The following SDC3 variants were observed in gnomAD, a reference collection of about 807,000 sequenced individuals.
The protein encoded by SDC3 is syndecan-3.
Under a neutral mutation model 24.4 loss-of-function variants are expected in SDC3, and 13 were observed. That is an observed-to-expected ratio of 0.53 (90% CI 0.35 to 0.85). The LOEUF (loss-of-function observed/expected upper bound fraction) is 0.85. Ranked by LOEUF, SDC3 falls within the 40% of genes least tolerant of loss-of-function variation. SDC3 has a pLI of 0.01. For synonymous variants in SDC3, 295 were observed against 260.9 expected (o/e 1.13, Z -1.26); for missense variants, 571 against 584.5 (o/e 0.98, Z 0.24).
intron 3 of SDC3, 51 bp downstream of exon 3, chr1:30,876,501 C>A: frequency 1.4e-6 from 2 of 1,434,430 alleles, no homozygotes; most frequent in Non-Finnish European, 1.9e-6. Flanking sequence ...TCATCCCTCC[C>A]CTGACCCACC....
At chr1:30,901,309 C>A (rs1557526501) in intron 1 of SDC3, among the ~76,000 whole-genome samples, 1 of 152,202 alleles carries the variant, frequency 6.6e-6, no homozygotes, top group Admixed American at 6.5e-5. Flanking sequence ...GGACTCTCCA[C>A]CCCTGAGATC....
rs1311325150 is a variant in SDC3, at chr1:30,908,718, C to G, written c.-132G>C. ...GACGCGCTCTAGGCTCGCGGGCTCCCGGCTCGGCCGCCCGGCTCCGCCTCG... is the reference window on the plus strand; with the variant it reads ...GACGCGCTCTAGGCTCGCGGGCTCCGGGCTCGGCCGCCCGGCTCCGCCTCG... On this transcript the variant is annotated 5_prime_UTR_variant, in exon 1 of 5. Transcript: ENST00000339394. 1.4e-5 allele frequency: 3 copies of G among 211,592 alleles called. No homozygotes were observed. Among genetic ancestry groups the G allele is most frequent in the Admixed American group, 6.8e-5 (1 of 14,774 alleles). The allele number at this position is 211,592 out of a possible 1,614,324, so 13.1% of individuals were successfully genotyped here. A position where few individuals can be genotyped will look rare whatever the true frequency, so the allele number is the denominator to read the frequency against.
At chr1:30,904,250 T>C (rs998808960) in intron 1 of SDC3, among the ~76,000 whole-genome samples, 1 of 151,984 alleles carries the variant, frequency 6.6e-6, no homozygotes, top group Admixed American at 6.6e-5. Context: ...AAATGAGGAT[T>C]CTAATAATTC....
intron 1 of SDC3, among the ~76,000 whole-genome samples, chr1:30,906,582 C>T (rs1638523786): frequency 6.6e-6 from 1 of 152,132 alleles, no homozygotes; most frequent in Non-Finnish European, 1.5e-5. Flanking sequence ...TGTCCTGAGC[C>T]CCTTTCATTC....
rs759031775 is a variant in SDC3, at chr1:30,876,867, G to A, written c.555C>T (p.Thr185=). 511 of 1,613,260 alleles carry A rather than the reference G, an allele frequency of 3.2e-4. No homozygotes were observed. The highest frequency in any genetic ancestry group is 4.0e-4 in the Non-Finnish European group (470 of 1,179,660). Residue 185 remains threonine, a synonymous_variant, in exon 3 of 5, where the codon ACC becomes ACT. Coordinates refer to ENST00000339394, the MANE Select transcript of SDC3 (RefSeq NM_014654.4). ...TVATVPATVA[T]ATPSTPAAPP... is the part of the protein sequence containing the mutation. ...GTGCTGCAGGGGTGCTGGGGGTGGCGGTGGCCACTGTGGCAGGCACTGTGG... is the reference window on the plus strand; with the variant it reads ...GTGCTGCAGGGGTGCTGGGGGTGGCAGTGGCCACTGTGGCAGGCACTGTGG...
chr1:30,887,440 A>G (rs1351572150), intron 1 of SDC3, among the ~76,000 whole-genome samples: 1 of 152,138 alleles, frequency 6.6e-6, no homozygotes, highest in Non-Finnish European at 1.5e-5. Context: ...ACACACAGAG[A>G]TACCAGCTGT....
chr1:30,894,195 G>C (rs574726538), intron 1 of SDC3, among the ~76,000 whole-genome samples: 1 of 151,358 alleles, frequency 6.6e-6, no homozygotes, highest in East Asian at 1.9e-4. Context: ...AAGAGTGCGT[G>C]TGTGTGCATG....
chr1:30,896,061 T>G (rs1639994853), intron 1 of SDC3, among the ~76,000 whole-genome samples: 1 of 152,066 alleles, frequency 6.6e-6, no homozygotes, highest in Non-Finnish European at 1.5e-5. Flanking sequence ...GGGTGCCCAC[T>G]GCTCCCTGCT....
At chr1:30,882,533 C>T (rs1378215539) in intron 1 of SDC3, among the ~76,000 whole-genome samples, 6 of 152,176 alleles carry the variant, frequency 3.9e-5, no homozygotes, top group African/African-American at 1.2e-4. Flanking sequence ...GTGCCACCTC[C>T]CAGGTTGCCC....
At chr1:30,876,175 A>G (rs1050769005) in intron 3 of SDC3, among the ~76,000 whole-genome samples, 1 of 152,170 alleles carries the variant, frequency 6.6e-6, no homozygotes, top group African/African-American at 2.4e-5. Flanking sequence ...AGGTATAGAA[A>G]TGATCAGGGA....
rs1357220446 is a variant in SDC3 at position 30,908,638 on chromosome 1, G to A, written c.-52C>T. On this transcript the variant is annotated 5_prime_UTR_variant, in exon 1 of 5. Transcript: ENST00000339394. ...GCGGCGGGCGGGCGCCTTTGTTCCC[G>A]AGGCGCGGCGCGCGGGGCGGCTGCT... The A allele has an allele frequency of 2.0e-5, 14 of 703,252 alleles. No homozygotes were observed. Among genetic ancestry groups the A allele is most frequent in the Non-Finnish European group, 2.3e-5 (13 of 575,836 alleles). The allele number at this position is 703,252 out of a possible 1,614,324, so 43.6% of individuals were successfully genotyped here. A position where few individuals can be genotyped will look rare whatever the true frequency, so the allele number is the denominator to read the frequency against.
intron 1 of SDC3, among the ~76,000 whole-genome samples, chr1:30,901,838 G>C (rs933064988): frequency 2.8e-4 from 43 of 152,120 alleles, no homozygotes; most frequent in Non-Finnish European, 4.6e-4. Context: ...TGCAGGAGCA[G>C]CCCGCTCCTT....
At position 30,874,541 on chromosome 1, in the gene SDC3, C is replaced by G; in HGVS notation, c.918G>C (p.Glu306Asp). ...CACTGGGCCCCCCACTCACCGGAAC[C>G]TCTGGCTCATCCCGGATTGTGGTCA... Reference protein sequence around the residue: ...TFLTTIRDEPEVPVSGGPSGD... With the variant: ...TFLTTIRDEPDVPVSGGPSGD... The change falls in exon 4 of 5, where the codon GAG (glutamate) becomes GAC (aspartate). Residue 306 changes from glutamate to aspartate, a missense_variant. Physicochemically the swap from Glu to Asp is conservative, Grantham distance 45. Around this residue, in one of 2 missense-constraint regions of SDC3, gnomAD observed 497 missense variants for 471.6 expected, o/e 1.05. Transcript: ENST00000339394. The G allele has an allele frequency of 1.2e-6, 2 of 1,614,156 alleles. No homozygotes were observed. Among genetic ancestry groups the G allele is most frequent in the Non-Finnish European group, 1.7e-6 (2 of 1,180,020 alleles).
intron 1 of SDC3, among the ~76,000 whole-genome samples, chr1:30,884,224 G>A (rs996974275): frequency 3.9e-5 from 6 of 152,120 alleles, no homozygotes; most frequent in South Asian, 2.1e-4. Context: ...GCAGAAGCCC[G>A]GGGAGGAGTG....
At chr1:30,898,458 C>T (rs1322867652) in intron 1 of SDC3, among the ~76,000 whole-genome samples, 1 of 152,188 alleles carries the variant, frequency 6.6e-6, no homozygotes, top group Non-Finnish European at 1.5e-5. Context: ...TGAGACCAGA[C>T]ACAGAGGGTC....
At chr1:30,892,097 A>T (rs999359832) in intron 1 of SDC3, among the ~76,000 whole-genome samples, 1 of 151,426 alleles carries the variant, frequency 6.6e-6, no homozygotes, top group Non-Finnish European at 1.5e-5. Context: ...TTCTCCACAC[A>T]GCTACAGGCT....
chr1:30,903,129 C>T (rs374538003), intron 1 of SDC3, among the ~76,000 whole-genome samples: 13 of 152,192 alleles, frequency 8.5e-5, no homozygotes, highest in Admixed American at 2.0e-4. Context: ...ATCTCTAAGC[C>T]TCAATCACTA....
chr1:30,874,373 G>A lies in SDC3; in HGVS notation c.1086C>T (p.Asp362=). Reference sequence around the variant, plus strand: ...CTGAGCTGCCCGAGTCGATGGCATTGTCCAGGAGGCCAGGGCCCGGGCGGG... The same window carrying A: ...CTGAGCTGCCCGAGTCGATGGCATTATCCAGGAGGCCAGGGCCCGGGCGGG... The part of the protein sequence containing the change: ...KGARPGPGLL[D]NAIDSGSSAA... The change falls in exon 4 of 5, where the codon GAC becomes GAT. Residue 362 remains aspartate (D), a synonymous_variant. Transcript: ENST00000339394. 1 of 1,613,982 alleles carries A rather than the reference G, an allele frequency of 6.2e-7. No individual in the cohort carries two copies. Among genetic ancestry groups the A allele is most frequent in the Non-Finnish European group, 8.5e-7 (1 of 1,179,976 alleles).
Position 30,875,993 on chromosome 1 carries a change from C to T in SDC3, c.870+559G>A, listed in dbSNP as rs552047796. Among the ~76,000 whole-genome samples, 15 of 152,314 alleles carry T rather than the reference C, an allele frequency of 9.8e-5. No individual in the cohort carries two copies. In the East Asian group the frequency reaches 1.5e-3, roughly 16 times the overall value. On this transcript the variant is annotated intron_variant, in intron 3 of 4. Coordinates refer to ENST00000339394, the MANE Select transcript of SDC3 (RefSeq NM_014654.4). ...TGCCTTCTCATACACCAGCTCTTAA[C>T]CACCCTCAGACCCATGATAATAACA...
Sources: allele counts gnomAD v4.1 joint callset (sites outside exome capture counted in the v4.1 genomes callset), GRCh38; gene constraint gnomAD v4.1.1; regional missense constraint gnomAD v4.1.1; transcripts MANE v1.5; gene names NCBI Gene and HGNC (gene_info 2026-07-23, HGNC 2026-07-21).